Variants in DENND2B observed in about 807,000 individuals in gnomAD.
DENND2B encodes the protein DENN domain containing 2B, also known as DENN domain-containing protein 2B.
Under a neutral mutation model 116.0 loss-of-function variants are expected in DENND2B, and 32 were observed. The ratio of observed to expected loss-of-function variants is 0.28; its 90% CI spans 0.21 to 0.37. DENND2B has a LOEUF of 0.37. DENND2B is among the 10% of genes least tolerant of loss of function. The probability of loss-of-function intolerance (pLI) is 1.00; values close to 1 mark genes in which losing one functional copy is unlikely to be tolerated. For synonymous variants in DENND2B, 588 were observed against 583.9 expected (o/e 1.01, Z -0.10); for missense variants, 1,276 against 1,477.7 (o/e 0.86, Z 2.24).
intron 2 of DENND2B, among the ~76,000 whole-genome samples, chr11:8,865,952 C>A (rs1392759987): frequency 6.6e-6 from 1 of 151,402 alleles, no homozygotes; most frequent in Admixed American, 6.6e-5. Context: ...CCCTATTTTT[C>A]TTTTTCTTTT....
chr11:8,748,853 CAGTCTCG>C (rs1259309095), intron 2 of DENND2B, among the ~76,000 whole-genome samples: 1 of 152,098 alleles, frequency 6.6e-6, no homozygotes, highest in African/African-American at 2.4e-5. Flanking sequence ...CACCTGTCAG[CAGTCTCG>C]AGTCTGCTTT....
chr11:8,706,078 C>T (rs189572803), intron 13 of DENND2B, among the ~76,000 whole-genome samples: 1 of 152,236 alleles, frequency 6.6e-6, no homozygotes, highest in African/African-American at 2.4e-5. Flanking sequence ...AACCCTGTCT[C>T]TATAGAAAAT....
At chr11:8,771,634 G>A (rs1013789484) in intron 1 of DENND2B, 1 of 150,074 alleles carries the variant, frequency 6.7e-6, no homozygotes, top group Non-Finnish European at 1.5e-5. Flanking sequence ...GGGGTGAGAG[G>A]AGCCTACTTT....
chr11:8,782,615 A>G (rs1292331491), intron 1 of DENND2B, among the ~76,000 whole-genome samples: 1 of 152,130 alleles, frequency 6.6e-6, no homozygotes, highest in African/African-American at 2.4e-5. Flanking sequence ...GGCCGGGCGC[A>G]GTGGCTCACG....
intron 2 of DENND2B, among the ~76,000 whole-genome samples, chr11:8,879,470 T>C (rs2063879280): frequency 1.3e-5 from 2 of 152,224 alleles, no homozygotes; most frequent in South Asian, 4.1e-4. Context: ...GAAGGCAATA[T>C]GAAGGAATTT....
chr11:8,770,863 C>A (rs945341127), intron 1 of DENND2B, among the ~76,000 whole-genome samples: 2 of 152,064 alleles, frequency 1.3e-5, no homozygotes, highest in African/African-American at 4.8e-5. Context: ...CTCTATCTTG[C>A]CACTCCACGA....
intron 1 of DENND2B, among the ~76,000 whole-genome samples, chr11:8,761,086 G>A (rs957360244): frequency 3.3e-5 from 5 of 152,060 alleles, no homozygotes; most frequent in Non-Finnish European, 7.4e-5. Context: ...CCCTTTTCCT[G>A]CCAGATGGTC....
chr11:8,771,941 C>T (rs1257362838), intron 1 of DENND2B: 1 of 152,102 alleles, frequency 6.6e-6, no homozygotes, highest in African/African-American at 2.4e-5. Flanking sequence ...AGGGTCCTAC[C>T]TCTTAATACC....
intron 2 of DENND2B, among the ~76,000 whole-genome samples, chr11:8,748,781 G>A (rs995908942): frequency 1.3e-5 from 2 of 152,130 alleles, no homozygotes; most frequent in Non-Finnish European, 2.9e-5. Context: ...GAAGCTAAAG[G>A]AAGAGCAATT....
intron 1 of DENND2B, among the ~76,000 whole-genome samples, chr11:8,784,951 C>T (rs2058756938): frequency 6.6e-6 from 1 of 152,036 alleles, no homozygotes; most frequent in South Asian, 2.1e-4. Flanking sequence ...CAACTTGAAA[C>T]TAAACAGGGA....
intron 2 of DENND2B, among the ~76,000 whole-genome samples, chr11:8,735,221 G>A (rs2048812156): frequency 6.6e-6 from 1 of 152,146 alleles, no homozygotes; most frequent in South Asian, 2.1e-4. Context: ...TACCCACCTG[G>A]AATGCTGCCC....
In DENND2B at chr11:8,753,596, C is replaced by A. The variant is rs759145582; in HGVS notation, c.-25-2871G>T. Among the ~76,000 whole-genome samples the A allele has an allele frequency of 4.6e-5, 7 of 151,966 alleles. No homozygotes were observed. The South Asian group carries it at 8.3e-4, about 18-fold the overall frequency. Reference sequence around the variant, plus strand: ...TTATGGAAATGCAAGGGATACAGGACAGCCAAAACAATCTTGAAAAAGATG... The same window carrying A: ...TTATGGAAATGCAAGGGATACAGGAAAGCCAAAACAATCTTGAAAAAGATG... On this transcript the variant is annotated intron_variant, in intron 1 of 19. Transcript: ENST00000313726.
At chr11:8,908,989 G>A (rs1186941896) in intron 1 of DENND2B, among the ~76,000 whole-genome samples, 1 of 152,002 alleles carries the variant, frequency 6.6e-6, no homozygotes, top group Non-Finnish European at 1.5e-5. Flanking sequence ...ACACATTCAA[G>A]GGCTATTTTT....
At chr11:8,873,194 C>T (rs571484278), upstream of DENND2B, among the ~76,000 whole-genome samples, 3 of 152,198 alleles carry the variant, frequency 2.0e-5, no homozygotes, top group Non-Finnish European at 4.4e-5. Flanking sequence ...CTTGTAACAT[C>T]TCTAAGGAAA....
At chr11:8,868,735 A>G (rs986352339) in intron 2 of DENND2B, among the ~76,000 whole-genome samples, 11 of 152,206 alleles carry the variant, frequency 7.2e-5, no homozygotes, top group Non-Finnish European at 1.6e-4. Flanking sequence ...TCCAGTCCAA[A>G]TGGTCTGCTC....
intron 1 of DENND2B, among the ~76,000 whole-genome samples, chr11:8,801,320 A>T (rs1357051068): frequency 6.6e-6 from 1 of 152,124 alleles, no homozygotes; most frequent in Admixed American, 6.6e-5. Context: ...CCCAAGACAC[A>T]GAAGAAGGGG....
At chr11:8,748,123 G>A (rs1180270626) in intron 2 of DENND2B, among the ~76,000 whole-genome samples, 2 of 152,080 alleles carry the variant, frequency 1.3e-5, no homozygotes, top group African/African-American at 2.4e-5. Context: ...AGTCCCCGAC[G>A]TAGCCAAAGT....
intron 2 of DENND2B, among the ~76,000 whole-genome samples, chr11:8,857,878 T>TA (rs1171457880): frequency 1.3e-5 from 2 of 151,940 alleles, no homozygotes; most frequent in South Asian, 2.1e-4. Flanking sequence ...CTTCCACCTT[T>TA]AAAAAAAAGT....
intron 1 of DENND2B, among the ~76,000 whole-genome samples, chr11:8,754,385 A>C (rs2053235371): frequency 1.3e-5 from 2 of 152,196 alleles, no homozygotes; most frequent in Non-Finnish European, 2.9e-5. Context: ...CTTCACATCC[A>C]CTAGGATTTC....
Sources: allele counts gnomAD v4.1 joint callset (sites outside exome capture counted in the v4.1 genomes callset), GRCh38; gene constraint gnomAD v4.1.1; transcripts MANE v1.5; gene names NCBI Gene and HGNC (gene_info 2026-07-23, HGNC 2026-07-21).